Variants in PSEN1 observed in about 807,000 individuals in gnomAD.
PSEN1 encodes the protein presenilin-1.
PSEN1 carries 15 observed loss-of-function variants against 53.5 expected under a neutral mutation model. The observed-to-expected ratio is 0.28, with a 90% CI of 0.19 to 0.43. The LOEUF is 0.43. Among genes scored for constraint, PSEN1 ranks in the 20% least tolerant of loss-of-function variants. The probability of loss-of-function intolerance (pLI) is 1.00; values close to 1 mark genes in which losing one functional copy is unlikely to be tolerated. For synonymous variants in PSEN1, 208 were observed against 209.8 expected, an observed-to-expected ratio of 0.99 and a Z score of 0.08; for missense variants, 387 against 571.2, an observed-to-expected ratio of 0.68 and a Z score of 3.29.
chr14:73,211,168 T>C (rs1435186969), intron 9 of PSEN1, among the ~76,000 whole-genome samples: 1 of 152,198 alleles, frequency 6.6e-6, no homozygotes, highest in Non-Finnish European at 1.5e-5. Flanking sequence ...GCCTGAGGTG[T>C]AGGCATTTGA....
chr14:73,161,992 TAAAAAAAAAAAA>T (rs1179787685), intron 3 of PSEN1, among the ~76,000 whole-genome samples: 3 of 65,376 alleles, frequency 4.6e-5, no homozygotes, highest in East Asian at 4.1e-4. Context: ...CCGTTTCCAC[TAAAAAAAAAAAA>T]AAAAAAAAAA....
rs1024730872 is a variant in PSEN1 at position 73,223,490 on chromosome 14, G to A, written c.*4201G>A. 1 of 152,228 alleles carries A rather than the reference G, an allele frequency of 6.6e-6. No individual in the cohort carries two copies. Among genetic ancestry groups the A allele is most frequent in the Non-Finnish European group, 1.5e-5 (1 of 68,054 alleles). 9.4% of individuals were successfully genotyped at this position (152,228 alleles called of 1,614,324 possible). A position where few individuals can be genotyped will look rare whatever the true frequency, so the allele number is the denominator to read the frequency against. ...TGTTTTTGGTGTCCTTGGAGGTGCT[G>A]GGGTGAGGGTTTCAGTGGGATCATT... On this transcript the variant is annotated 3_prime_UTR_variant, in exon 12 of 12. Transcript: ENST00000324501.
At chr14:73,145,443 T>A (rs1251908229) in intron 1 of PSEN1, among the ~76,000 whole-genome samples, 2 of 152,096 alleles carry the variant, frequency 1.3e-5, no homozygotes, top group Non-Finnish European at 2.9e-5. Context: ...CCAGTGATCC[T>A]TCCACCTCAG....
intron 1 of PSEN1, among the ~76,000 whole-genome samples, chr14:73,137,777 G>T (rs1281173744): frequency 3.3e-5 from 5 of 152,128 alleles, no homozygotes; most frequent in Non-Finnish European, 5.9e-5. Flanking sequence ...TTAGAGCAGC[G>T]CTAGCCAATA....
At chr14:73,138,488 C>T (rs1429614740) in intron 1 of PSEN1, among the ~76,000 whole-genome samples, 3 of 147,558 alleles carry the variant, frequency 2.0e-5, no homozygotes, top group East Asian at 4.2e-4. Flanking sequence ...CAGAGTGCTG[C>T]GATTACAGGC....
At chr14:73,177,479 G>A (rs752960190) in intron 5 of PSEN1, among the ~76,000 whole-genome samples, 13 of 152,190 alleles carry the variant, frequency 8.5e-5, no homozygotes, top group Non-Finnish European at 1.3e-4. Flanking sequence ...GGCGTGAGCC[G>A]CTATGCCAGG....
chr14:73,141,577 C>T (rs957373248), intron 1 of PSEN1, among the ~76,000 whole-genome samples: 106 of 151,806 alleles, frequency 7.0e-4, no homozygotes, highest in Middle Eastern at 6.8e-3. Flanking sequence ...GTCAGGAGTT[C>T]GAGACCAGCC....
Position 73,186,888 on chromosome 14 carries a change from G to A in PSEN1, c.516G>A (p.Leu172=), listed in dbSNP as rs1401534383. 3.1e-6 allele frequency: 5 copies of A among 1,613,634 alleles called. No individual in the cohort carries two copies. Among genetic ancestry groups the A allele is most frequent in the Non-Finnish European group, 3.4e-6 (4 of 1,179,752 alleles). Residue 172 remains leucine, a synonymous_variant, in exon 6 of 12, where the codon TTG becomes TTA. Transcript: ENST00000324501. ...CCTGGCTTATTATATCATCTCTATT[G>A]TTGCTGTTCTTTTTTTCATTCATTT... The part of the protein sequence containing the change: ...IHAWLIISSL[L]LLFFFSFIYL...
At chr14:73,150,605 A>G (rs139222371) in intron 3 of PSEN1, among the ~76,000 whole-genome samples, 3,429 of 151,566 alleles carry the variant, frequency 0.023, 133 homozygotes, top group African/African-American at 0.076. Flanking sequence ...CTACTAAAAA[A>G]AAATGCAAAA....
chr14:73,160,039 A>T (rs1348474476), intron 3 of PSEN1: 2 of 261,656 alleles, frequency 7.6e-6, no homozygotes, highest in Non-Finnish European at 1.7e-5. Flanking sequence ...GGCCAGGCTG[A>T]TCTCAAACTC....
At chr14:73,138,611 C>A (rs562889925) in intron 1 of PSEN1, among the ~76,000 whole-genome samples, 1 of 151,978 alleles carries the variant, frequency 6.6e-6, no homozygotes, top group Non-Finnish European at 1.5e-5. Flanking sequence ...CCTTGGCCTC[C>A]CAGAGTGGTG....
At chr14:73,158,286 A>ATCTG (rs1555351590) in intron 3 of PSEN1, among the ~76,000 whole-genome samples, 2 of 95,518 alleles carry the variant, frequency 2.1e-5, no homozygotes, top group Non-Finnish European at 4.6e-5. Flanking sequence ...TTTTTTTTCT[A>ATCTG]TCTATCTATC....
At chr14:73,156,650 A>G (rs533409791) in intron 3 of PSEN1, among the ~76,000 whole-genome samples, 1 of 151,846 alleles carries the variant, frequency 6.6e-6, no homozygotes, top group Admixed American at 6.6e-5. Context: ...AACTTTTTCC[A>G]TAATAAAAAG....
In PSEN1 at chr14:73,217,123, T is replaced by C. The variant is rs1330524512; in HGVS notation, c.1130-3T>C. 1.2e-6 allele frequency: 2 copies of C among 1,614,092 alleles called. No homozygotes were observed. The highest frequency in any genetic ancestry group is 1.7e-5 in the Admixed American group (1 of 60,026). ...TTTAATATTTGTAACCTTTCCTTTTTAGGGGGAGTAAAACTTGGATTGGGA... is the reference window on the plus strand; with the variant it reads ...TTTAATATTTGTAACCTTTCCTTTTCAGGGGGAGTAAAACTTGGATTGGGA... On this transcript the variant is annotated splice_region_variant and splice_polypyrimidine_tract_variant and intron_variant, in intron 10 of 11. Coordinates refer to ENST00000324501, the MANE Select transcript of PSEN1 (RefSeq NM_000021.4).
In PSEN1 at chr14:73,198,179, G is replaced by A. The variant is rs201091097; in HGVS notation, c.868+50G>A. 22 of 1,100,874 alleles carry A rather than the reference G, an allele frequency of 2.0e-5. 1 individual carries two copies. Among genetic ancestry groups the A allele is most frequent in the Middle Eastern group, 2.1e-4 (1 of 4,726 alleles). 68.2% of individuals were successfully genotyped at this position (1,100,874 alleles called of 1,614,324 possible). On this transcript the variant is annotated intron_variant, in intron 8 of 11. Transcript: ENST00000324501. ...ATTAGTAATCAGTGTAGAATTTATC[G>A]GAACTGAAGCACATGTAACTATGGT...
chr14:73,210,704 A>T (rs1239850288), intron 9 of PSEN1, among the ~76,000 whole-genome samples: 1 of 152,234 alleles, frequency 6.6e-6, no homozygotes, highest in Non-Finnish European at 1.5e-5. Flanking sequence ...TAATAAAAAG[A>T]ATACAAAACT....
intron 5 of PSEN1, among the ~76,000 whole-genome samples, chr14:73,186,622 C>A (rs1474552531): frequency 1.3e-5 from 2 of 151,978 alleles, no homozygotes; most frequent in Non-Finnish European, 2.9e-5. Flanking sequence ...ACTAAAAATA[C>A]AAAAATTAGC....
In PSEN1 at chr14:73,220,764, G is replaced by A. The variant is rs1900103780; in HGVS notation, c.*1475G>A. The A allele has an allele frequency of 2.0e-5, 3 of 152,234 alleles. No individual in the cohort carries two copies. The highest frequency in any genetic ancestry group is 7.2e-5 in the African/African-American group (3 of 41,434). 9.4% of individuals were successfully genotyped at this position (152,234 alleles called of 1,614,324 possible). A position where few individuals can be genotyped will look rare whatever the true frequency, so the allele number is the denominator to read the frequency against. On this transcript the variant is annotated 3_prime_UTR_variant, in exon 12 of 12. Coordinates refer to ENST00000324501, the MANE Select transcript of PSEN1 (RefSeq NM_000021.4). ...GAACTGGGCAGTGGAGGTGCCTGCT[G>A]CAGTTACCATGGAGTTCAGGCTCTG...
At chr14:73,192,036 A>ATGGCC (rs1354479697) in intron 6 of PSEN1, among the ~76,000 whole-genome samples, 3 of 152,112 alleles carry the variant, frequency 2.0e-5, no homozygotes, top group Admixed American at 6.6e-5. Context: ...TTTTATAGTT[A>ATGGCC]TGGCCTGTGC....
Sources: gnomAD v4.1 joint callset for allele counts (sites outside exome capture counted in the v4.1 genomes callset) on GRCh38, gnomAD v4.1.1 for gene constraint, MANE v1.5 for transcripts, NCBI Gene and HGNC (gene_info 2026-07-23, HGNC 2026-07-21) for gene names.